TMEM114: variants seen among roughly 807,000 people sequenced by gnomAD.
The protein encoded by TMEM114 is transmembrane protein 114, also known as claudin-26.
TMEM114 carries 6 observed loss-of-function variants against 6.2 expected under a neutral mutation model. That is an observed-to-expected ratio of 0.97 (90% CI 0.53 to 1.91). The LOEUF (loss-of-function observed/expected upper bound fraction) is 1.91. Ranked by LOEUF, TMEM114 falls within the 40% of genes most tolerant of loss-of-function variation. TMEM114 has a pLI of 0.01. For synonymous variants in TMEM114, 104 were observed against 73.0 expected (o/e 1.42, Z -2.16); for missense variants, 218 against 158.3 (o/e 1.38, Z -2.02).
At chr16:8,565,621 G>A (rs896136711), downstream of TMEM114, among the ~76,000 whole-genome samples, 1 of 152,098 alleles carries the variant, frequency 6.6e-6, no homozygotes, top group Non-Finnish European at 1.5e-5. Flanking sequence ...CACCTGCTCC[G>A]AGTTCTTTCT....
intron 2 of TMEM114, among the ~76,000 whole-genome samples, chr16:8,557,524 C>G (rs918934875): frequency 6.6e-5 from 10 of 152,214 alleles, no homozygotes; most frequent in Non-Finnish European, 1.0e-4. Context: ...ATTCCCAACT[C>G]TCAGAGACCA....
intron 3 of TMEM114, 142 bp downstream of exon 3, chr16:8,571,945 C>G: frequency 9.2e-7 from 1 of 1,084,118 alleles, no homozygotes; most frequent in Non-Finnish European, 1.3e-6. Flanking sequence ...AACCACTCAT[C>G]TCTTCCAACT....
At position 8,552,113 on chromosome 16, in the gene TMEM114, A is replaced by T. The variant is rs138512747; in HGVS notation, n.213-14287T>A. ...AGGGGGACCAGGCACAGCGGCTCAC[A>T]CCTGTAATCCCAGCACTTTGGGAGG... On this transcript the variant is annotated intron_variant and non_coding_transcript_variant, in intron 2 of 2. Transcript: ENST00000623677. Among the ~76,000 whole-genome samples the T allele has an allele frequency of 5.4e-3, 821 of 151,958 alleles. 2 individuals carry two copies. Among genetic ancestry groups the T allele is most frequent in the African/African-American group, 0.019 (778 of 41,432 alleles).
At chr16:8,558,425 C>G (rs1175301039) in intron 2 of TMEM114, among the ~76,000 whole-genome samples, 2 of 152,140 alleles carry the variant, frequency 1.3e-5, no homozygotes, top group Non-Finnish European at 2.9e-5. Context: ...GTGGCCTTCT[C>G]TCTGTGTATC....
At chr16:8,542,636 A>G (rs1470734352) in intron 2 of TMEM114, among the ~76,000 whole-genome samples, 1 of 152,208 alleles carries the variant, frequency 6.6e-6, no homozygotes. Context: ...GGGGGAGGCC[A>G]GCAACAGGGG....
At chr16:8,567,779 A>G (rs1052188908), downstream of TMEM114, among the ~76,000 whole-genome samples, 14 of 152,190 alleles carry the variant, frequency 9.2e-5, no homozygotes, top group African/African-American at 3.4e-4. Flanking sequence ...TTTGGGGATC[A>G]AATCCTGCCT....
At chr16:8,565,993 T>C (rs370690149), downstream of TMEM114, among the ~76,000 whole-genome samples, 4 of 152,092 alleles carry the variant, frequency 2.6e-5, no homozygotes, top group Non-Finnish European at 5.9e-5. Context: ...CAAGACAGAA[T>C]GGAACAGAAC....
In TMEM114 at chr16:8,570,012, G is replaced by A; in HGVS notation, c.440-7C>T. 1 of 1,546,256 alleles carries A rather than the reference G, an allele frequency of 6.5e-7. No individual in the cohort carries two copies. The highest frequency in any genetic ancestry group is 8.7e-7 in the Non-Finnish European group (1 of 1,143,530). On this transcript the variant is annotated splice_region_variant and splice_polypyrimidine_tract_variant and intron_variant, in intron 3 of 3. Transcript: ENST00000620492. ...CCAGCGAGGGTCACCATGGCTGCAG[G>A]GAGGGCAAAGGGAGAGCAGATCAAT...
At chr16:8,529,297 G>T in the TMEM114 span, among the ~76,000 whole-genome samples, 2 of 152,174 alleles carry the variant, frequency 1.3e-5, no homozygotes, top group African/African-American at 2.4e-5. Flanking sequence ...ATTCCAAAAT[G>T]GTTCTGACCA....
At chr16:8,551,077 C>G (rs1333914468) in intron 2 of TMEM114, among the ~76,000 whole-genome samples, 2 of 152,238 alleles carry the variant, frequency 1.3e-5, no homozygotes, top group Non-Finnish European at 2.9e-5. Flanking sequence ...CCTTGTTCTA[C>G]TGAGCTATGG....
intron 2 of TMEM114, among the ~76,000 whole-genome samples, chr16:8,576,267 C>T (rs1043795698): frequency 6.6e-6 from 1 of 152,208 alleles, no homozygotes; most frequent in African/African-American, 2.4e-5. Context: ...AGAATTGTCT[C>T]CACTTCCTGA....
At chr16:8,588,545 T>C (rs1902385573) in intron 2 of TMEM114, among the ~76,000 whole-genome samples, 1 of 152,148 alleles carries the variant, frequency 6.6e-6, no homozygotes, top group South Asian at 2.1e-4. Context: ...CCTCCACAAA[T>C]GCTCATTCAT....
At chr16:8,570,574 C>T (rs1028300215) in intron 3 of TMEM114, among the ~76,000 whole-genome samples, 34 of 152,260 alleles carry the variant, frequency 2.2e-4, no homozygotes, top group Admixed American at 2.0e-3. Context: ...TCAAGTGATC[C>T]GCCTGTCTCT....
chr16:8,545,790 C>A (rs1900647983), intron 2 of TMEM114, among the ~76,000 whole-genome samples: 1 of 152,148 alleles, frequency 6.6e-6, no homozygotes, highest in Admixed American at 6.5e-5. Context: ...ATATTTTACC[C>A]TTCTTAAAAT....
At chr16:8,542,150 G>GA (rs1182553653) in intron 2 of TMEM114, among the ~76,000 whole-genome samples, 1 of 151,838 alleles carries the variant, frequency 6.6e-6, no homozygotes, top group South Asian at 2.1e-4. Context: ...CGTGGGGGGG[G>GA]GTCCCTTGAC....
At chr16:8,572,377 G>C in intron 2 of TMEM114, 153 bp from the exon 3 acceptor site, 1 of 800,834 alleles carries the variant, frequency 1.2e-6, no homozygotes, top group South Asian at 1.7e-5. Flanking sequence ...TGATGATGAT[G>C]ATGACCATGA....
rs1490877375 is a variant in TMEM114 at position 8,572,084 on chromosome 16, T to C, written c.439+3A>G. ...CAGAGCCCTAGGCAGGGTGGGCACC[T>C]ACCTCCAAAGAGGAAGAGAATTCCA... On this transcript the variant is annotated splice_donor_region_variant and intron_variant, in intron 3 of 3. Coordinates refer to ENST00000620492, the MANE Select transcript of TMEM114 (RefSeq NM_001146336.2). The C allele has an allele frequency of 1.9e-6, 3 of 1,541,948 alleles. No individual in the cohort carries two copies. The highest frequency in any genetic ancestry group is 2.4e-5 in the East Asian group (1 of 40,858).
At chr16:8,560,210 C>T (rs1901155587) in intron 2 of TMEM114, among the ~76,000 whole-genome samples, 1 of 151,606 alleles carries the variant, frequency 6.6e-6, no homozygotes. Flanking sequence ...GTTGCTTAGG[C>T]TGGGCTCAAA....
chr16:8,584,940 AAAGAAG>A (rs1266319654), intron 2 of TMEM114, among the ~76,000 whole-genome samples: 1 of 146,758 alleles, frequency 6.8e-6, no homozygotes, highest in Admixed American at 6.9e-5. Context: ...AAAAAAAAAA[AAAGAAG>A]AAGAAGAAGA....
Sources: gnomAD v4.1 joint callset for allele counts (sites outside exome capture counted in the v4.1 genomes callset) on GRCh38, gnomAD v4.1.1 for gene constraint, MANE v1.5 for transcripts, NCBI Gene and HGNC (gene_info 2026-07-23, HGNC 2026-07-21) for gene names.